Variants in IFT80 observed in about 807,000 individuals in gnomAD.
The protein encoded by IFT80 is intraflagellar transport 80, also known as intraflagellar transport protein 80 homolog.
In IFT80, 79 loss-of-function variants were observed where a neutral mutation model predicts 107.9. The ratio of observed to expected loss-of-function variants is 0.73; its 90% confidence interval spans 0.61 to 0.88. The LOEUF (loss-of-function observed/expected upper bound fraction) is 0.88, where lower values mean the gene tolerates loss of function less well. Ranked by LOEUF, IFT80 falls within the 40% of genes least tolerant of loss-of-function variation. The probability of loss-of-function intolerance (pLI) is 0.00; values close to 1 mark genes in which losing one functional copy is unlikely to be tolerated. For synonymous variants in IFT80, 299 were observed against 300.9 expected (o/e 0.99, Z 0.07); for missense variants, 797 against 914.2 (o/e 0.87, Z 1.65).
chr3:160,349,166 G>A (rs943329830), intron 8 of IFT80, among the ~76,000 whole-genome samples: 1 of 151,994 alleles, frequency 6.6e-6, no homozygotes, highest in Admixed American at 6.6e-5. Flanking sequence ...GAAGAGAACA[G>A]GGCTGGGCAC....
At chr3:160,328,615 C>A (rs1324705422) in intron 8 of IFT80, among the ~76,000 whole-genome samples, 1 of 151,984 alleles carries the variant, frequency 6.6e-6, no homozygotes, top group Non-Finnish European at 1.5e-5. Flanking sequence ...GCAGAACTAT[C>A]ATTCGGCCCA....
intron 18 of IFT80, among the ~76,000 whole-genome samples, chr3:160,276,360 T>C (rs1031500726): frequency 6.6e-6 from 1 of 152,328 alleles, no homozygotes; most frequent in Admixed American, 6.5e-5. Flanking sequence ...TTTTTGTTAC[T>C]TTTAGTCAAG....
intron 19 of IFT80, among the ~76,000 whole-genome samples, chr3:160,265,980 A>G (rs1713285911): frequency 2.0e-5 from 3 of 152,150 alleles, no homozygotes; most frequent in Non-Finnish European, 2.9e-5. Flanking sequence ...TATCCCCAAG[A>G]GCTATTTTCC....
chr3:160,326,009 T>A (rs967505898), intron 8 of IFT80, among the ~76,000 whole-genome samples: 6 of 152,062 alleles, frequency 3.9e-5, no homozygotes, highest in Non-Finnish European at 8.8e-5. Flanking sequence ...ACTTAAAAAT[T>A]ATTTTAAATG....
intron 3 of IFT80, among the ~76,000 whole-genome samples, chr3:160,380,658 G>T (rs1454458563): frequency 6.6e-6 from 1 of 151,856 alleles, no homozygotes; most frequent in Non-Finnish European, 1.5e-5. Context: ...GATGAAAACA[G>T]TTCACGTATT....
chr3:160,389,017 C>T (rs988953862), intron 1 of IFT80, among the ~76,000 whole-genome samples: 14 of 152,338 alleles, frequency 9.2e-5, no homozygotes, highest in Middle Eastern at 3.4e-3. Context: ...TCAGATTTCT[C>T]ATCTACAGAG....
At chr3:160,299,267 G>T in intron 12 of IFT80, 1 of 1,166,648 alleles carries the variant, frequency 8.6e-7, no homozygotes, top group South Asian at 1.7e-5. Context: ...TCTTCTCTCA[G>T]AGAAGGCCTA....
At chr3:160,267,086 C>T (rs967435549) in intron 19 of IFT80, among the ~76,000 whole-genome samples, 5 of 152,130 alleles carry the variant, frequency 3.3e-5, no homozygotes, top group Admixed American at 1.3e-4. Context: ...CTCCTTTCTA[C>T]CATGAAACCC....
intron 11 of IFT80, among the ~76,000 whole-genome samples, chr3:160,303,375 TC>T (rs1256951961): frequency 6.6e-6 from 1 of 152,154 alleles, no homozygotes; most frequent in Non-Finnish European, 1.5e-5. Flanking sequence ...CATTTCTTAG[TC>T]CTGTATACAC....
rs369664362 is a variant in IFT80 at position 160,280,380 on chromosome 3, T to C, written c.1664+287A>G. ...GAAAAATCTTAAAGAGTGCCTAGAC[T>C]AAAATCACTTGATCACACTGAGAAA... is the stretch of plus-strand genomic sequence containing the variant. On this transcript the variant is annotated intron_variant, in intron 15 of 19. Coordinates refer to ENST00000326448, the MANE Select transcript of IFT80 (RefSeq NM_020800.3). Among the ~76,000 whole-genome samples the C allele has an allele frequency of 2.6e-5, 4 of 152,080 alleles. No individual in the cohort carries two copies. In the East Asian group the frequency reaches 7.7e-4, roughly 29 times the overall value.
intron 3 of IFT80, among the ~76,000 whole-genome samples, chr3:160,378,955 G>A (rs75641728): frequency 1.0e-3 from 154 of 152,222 alleles, no homozygotes; most frequent in African/African-American, 3.7e-3. Context: ...AAGAGAGTGG[G>A]AGGCAGTTTG....
chr3:160,382,757 A>G lies in IFT80; in HGVS notation c.38-1033T>C, dbSNP rs543722715. ...TACTGTCTTATCTGAGCAATAATACAATTGCTTTTTCTAAGGAAATGCAGA... is the reference window on the plus strand; with the variant it reads ...TACTGTCTTATCTGAGCAATAATACGATTGCTTTTTCTAAGGAAATGCAGA... On this transcript the variant is annotated intron_variant, in intron 2 of 19. Coordinates refer to ENST00000326448, the MANE Select transcript of IFT80 (RefSeq NM_020800.3). 1.2e-4 allele frequency among the ~76,000 whole-genome samples: 18 copies of G among 152,334 alleles called. No individual in the cohort carries two copies. The South Asian group carries it at 3.5e-3, about 30-fold the overall frequency.
rs756148005 is a variant in IFT80 at position 160,258,528 on chromosome 3, G to A, written c.2331C>T (p.Pro777=). The change falls in exon 20 of 20, where the codon CCC becomes CCT. Residue 777 remains proline, a synonymous_variant. Coordinates refer to ENST00000326448, the MANE Select transcript of IFT80 (RefSeq NM_020800.3). ...SQSSKSIGLK[P] ...TTCTTAAAGATACGCATGGCATTTA[G>A]GGCTTTAAACCTATACTCTTGCTGG... 1 of 1,613,620 alleles carries A rather than the reference G, an allele frequency of 6.2e-7. No homozygotes were observed. Among genetic ancestry groups the A allele is most frequent in the South Asian group, 1.1e-5 (1 of 91,086 alleles).
intron 5 of IFT80, among the ~76,000 whole-genome samples, chr3:160,368,766 AG>A (rs1427280911): frequency 6.7e-6 from 1 of 149,248 alleles, no homozygotes; most frequent in Non-Finnish European, 1.5e-5. Flanking sequence ...CCATTATTAT[AG>A]TTATAATTTT....
intron 6 of IFT80, among the ~76,000 whole-genome samples, chr3:160,363,690 C>T (rs887415269): frequency 3.9e-5 from 6 of 152,132 alleles, no homozygotes; most frequent in Non-Finnish European, 7.4e-5. Context: ...ACAGAGCCCT[C>T]AGAAATAACA....
At chr3:160,384,239 C>G (rs868284614) in intron 2 of IFT80, 9 of 264,306 alleles carry the variant, frequency 3.4e-5, no homozygotes, top group African/African-American at 2.7e-4. Flanking sequence ...GAGTGAGACT[C>G]TGTCTCAAAA....
In IFT80 at chr3:160,370,112, C is replaced by T. The variant is rs73154563; in HGVS notation, c.440-3960G>A. Among the ~76,000 whole-genome samples, 389 of 152,224 alleles carry T rather than the reference C, an allele frequency of 2.6e-3. 1 individual carries two copies. The highest frequency in any genetic ancestry group is 4.1e-3 in the Non-Finnish European group (278 of 67,954). On this transcript the variant is annotated intron_variant, in intron 5 of 19. Coordinates refer to ENST00000326448, the MANE Select transcript of IFT80 (RefSeq NM_020800.3). ...ACATGGTCAAATATACCATGTTTTT[C>T]ACATTCATACTATAAAAGTATCCCC...
At chr3:160,263,164 GAAATGT>G (rs747726861) in intron 19 of IFT80, among the ~76,000 whole-genome samples, 4,035 of 152,162 alleles carry the variant, frequency 0.027, 90 homozygotes, top group Non-Finnish European at 0.044. Context: ...GCCCACACTA[GAAATGT>G]TGAAGTCATT....
rs144409782 is a variant in IFT80, at chr3:160,294,749, T to A, written c.1315+6134A>T. Among the ~76,000 whole-genome samples the A allele has an allele frequency of 2.3e-4, 35 of 152,338 alleles. No homozygotes were observed. In the South Asian group the frequency reaches 6.8e-3, roughly 30 times the overall value. Reference sequence around the variant, plus strand: ...CCTATATTTGTCACAAACACTTGCTTTGGGAGCTAAGCTAAGCTCCCAGTC... The same window carrying A: ...CCTATATTTGTCACAAACACTTGCTATGGGAGCTAAGCTAAGCTCCCAGTC... On this transcript the variant is annotated intron_variant, in intron 12 of 19. Coordinates refer to ENST00000326448, the MANE Select transcript of IFT80 (RefSeq NM_020800.3).
Sources: gnomAD v4.1 joint callset for allele counts (sites outside exome capture counted in the v4.1 genomes callset) on GRCh38, gnomAD v4.1.1 for gene constraint, MANE v1.5 for transcripts, NCBI Gene and HGNC (gene_info 2026-07-23, HGNC 2026-07-21) for gene names.